The following CADPS variants were observed in gnomAD, a reference collection of about 807,000 sequenced individuals.
The protein encoded by CADPS is calcium dependent secretion activator.
In CADPS, 57 loss-of-function variants were observed where a neutral mutation model predicts 167.3. That is an observed-to-expected ratio of 0.34 (90% CI 0.28 to 0.42). The LOEUF (loss-of-function observed/expected upper bound fraction) is 0.42, where lower values mean the gene tolerates loss of function less well. CADPS is among the 20% of genes least tolerant of loss of function. The pLI is 1.00. For synonymous variants in CADPS, 676 were observed against 635.3 expected (o/e 1.06, Z -0.96); for missense variants, 1,414 against 1,738.1 (o/e 0.81, Z 3.32).
intron 1 of CADPS, among the ~76,000 whole-genome samples, chr3:62,855,876 A>G (rs2079579724): frequency 6.6e-6 from 1 of 152,158 alleles, no homozygotes; most frequent in African/African-American, 2.4e-5. Context: ...ACTCCTTTAG[A>G]TTTTTATACT....
At chr3:62,627,276 A>G (rs1312928101) in intron 6 of CADPS, among the ~76,000 whole-genome samples, 1 of 152,172 alleles carries the variant, frequency 6.6e-6, no homozygotes, top group Admixed American at 6.5e-5. Flanking sequence ...GTTTTAAATT[A>G]TAACTGAGCT....
chr3:62,858,360 A>T (rs1369846632), intron 1 of CADPS, among the ~76,000 whole-genome samples: 2 of 152,114 alleles, frequency 1.3e-5, no homozygotes, highest in Non-Finnish European at 2.9e-5. Flanking sequence ...GTCCATCAGG[A>T]GAGGAGCCCC....
At chr3:62,751,711 G>A (rs1298333851) in intron 3 of CADPS, among the ~76,000 whole-genome samples, 9 of 152,154 alleles carry the variant, frequency 5.9e-5, no homozygotes, top group Admixed American at 2.0e-4. Context: ...ATGAGCCACC[G>A]TGCCTGGCCT....
chr3:62,872,643 A>C (rs753449128), intron 1 of CADPS, among the ~76,000 whole-genome samples: 3 of 152,176 alleles, frequency 2.0e-5, no homozygotes, highest in Admixed American at 1.3e-4. Flanking sequence ...TAAAGCATAC[A>C]ATCAGATCAG....
At chr3:62,664,025 C>T (rs1206608303) in intron 3 of CADPS, among the ~76,000 whole-genome samples, 6 of 152,044 alleles carry the variant, frequency 3.9e-5, no homozygotes, top group Non-Finnish European at 8.8e-5. Context: ...TTTTTTCCCC[C>T]GAGATGAGGT....
intron 18 of CADPS, among the ~76,000 whole-genome samples, chr3:62,496,106 A>G (rs915157298): frequency 6.6e-6 from 1 of 150,880 alleles, no homozygotes; most frequent in African/African-American, 2.4e-5. Context: ...GAGCACCCAG[A>G]GAACATGGTA....
chr3:62,604,853 AC>A (rs1305551263), intron 6 of CADPS, among the ~76,000 whole-genome samples: 1 of 152,224 alleles, frequency 6.6e-6, no homozygotes, highest in East Asian at 1.9e-4. Flanking sequence ...TGAACTGCTC[AC>A]CGCATGGCAG....
At chr3:62,586,678 T>C (rs2084713246) in intron 7 of CADPS, among the ~76,000 whole-genome samples, 1 of 152,242 alleles carries the variant, frequency 6.6e-6, no homozygotes, top group African/African-American at 2.4e-5. Flanking sequence ...ATGATTGAAA[T>C]ACAGAAAAGC....
rs78409816 is a variant in CADPS at position 62,761,929 on chromosome 3, C to T, written c.555+3942G>A. Among the ~76,000 whole-genome samples, 460 of 152,252 alleles carry T rather than the reference C, an allele frequency of 3.0e-3. 5 individuals carry two copies. Among genetic ancestry groups the T allele is most frequent in the South Asian group, 0.03 (143 of 4,830 alleles). ...GATTAATCTGTTGCCCTGCTTGATC[C>T]GCTCTGACAATCAGGGCCATCAGGA... On this transcript the variant is annotated intron_variant, in intron 2 of 29. Transcript: ENST00000383710.
chr3:62,755,429 T>C (rs2083650884), intron 2 of CADPS, among the ~76,000 whole-genome samples: 3 of 152,204 alleles, frequency 2.0e-5, no homozygotes, highest in Admixed American at 6.5e-5. Flanking sequence ...TCTGACACGT[T>C]TGAGCTGCGT....
intron 3 of CADPS, among the ~76,000 whole-genome samples, chr3:62,692,030 A>G (rs922284102): frequency 6.6e-6 from 1 of 152,082 alleles, no homozygotes; most frequent in Non-Finnish European, 1.5e-5. Flanking sequence ...ATTTTCTTAC[A>G]GAAACATTGT....
chr3:62,404,747 C>T (rs915264801), intron 28 of CADPS: 4 of 151,936 alleles, frequency 2.6e-5, no homozygotes, highest in African/African-American at 9.7e-5. Flanking sequence ...TCTGTCCCTC[C>T]CCAGGGAGCA....
chr3:62,523,260 G>T (rs923861895), intron 13 of CADPS, among the ~76,000 whole-genome samples: 3 of 151,924 alleles, frequency 2.0e-5, no homozygotes, highest in Admixed American at 6.6e-5. Flanking sequence ...TATGCAAATT[G>T]TTCTCTTTTT....
At chr3:62,762,788 C>A (rs113265204) in intron 2 of CADPS, among the ~76,000 whole-genome samples, 2 of 151,954 alleles carry the variant, frequency 1.3e-5, no homozygotes, top group Non-Finnish European at 2.9e-5. Flanking sequence ...TAATGCTCTG[C>A]GGATACTGAG....
intron 1 of CADPS, among the ~76,000 whole-genome samples, chr3:62,784,728 C>G (rs62242366): frequency 0.46 from 66,788 of 144,362 alleles, 17,204 homozygotes; most frequent in East Asian, 0.86. Context: ...GAAAAATGAT[C>G]TAGTATCTTC....
intron 24 of CADPS, among the ~76,000 whole-genome samples, chr3:62,467,740 C>A (rs1277608942): frequency 6.6e-6 from 1 of 151,992 alleles, no homozygotes; most frequent in East Asian, 1.9e-4. Flanking sequence ...CAAAGCCAAC[C>A]CTGTATAAAG....
intron 1 of CADPS, among the ~76,000 whole-genome samples, chr3:62,850,906 T>C (rs983148020): frequency 2.0e-5 from 3 of 151,818 alleles, no homozygotes; most frequent in Non-Finnish European, 4.4e-5. Flanking sequence ...TGTGTGGGAG[T>C]CTAAGTCTCT....
intron 23 of CADPS, among the ~76,000 whole-genome samples, chr3:62,477,311 TG>T (rs149662841): frequency 0.11 from 11,671 of 102,324 alleles, 1,033 homozygotes; most frequent in African/African-American, 0.29. Flanking sequence ...GCTTGCAATC[TG>T]GGTTTTTTTT....
intron 13 of CADPS, among the ~76,000 whole-genome samples, chr3:62,528,610 G>T (rs1252040433): frequency 6.6e-6 from 1 of 152,160 alleles, no homozygotes; most frequent in Non-Finnish European, 1.5e-5. Context: ...CAGATACTAT[G>T]ATTCAGTCTG....
Sources: allele counts gnomAD v4.1 joint callset (sites outside exome capture counted in the v4.1 genomes callset), GRCh38; gene constraint gnomAD v4.1.1; transcripts MANE v1.5; gene names NCBI Gene and HGNC (gene_info 2026-07-23, HGNC 2026-07-21).